STXBP4: variants seen among roughly 807,000 people sequenced by gnomAD.
STXBP4 encodes syntaxin-binding protein 4.
Under a neutral mutation model 76.1 loss-of-function variants are expected in STXBP4, and 55 were observed. The ratio of observed to expected loss-of-function variants is 0.72; its 90% CI spans 0.58 to 0.91. STXBP4 has a LOEUF of 0.91. Ranked by LOEUF, STXBP4 falls within the 40% of genes least tolerant of loss-of-function variation. The probability of loss-of-function intolerance (pLI) is 0.00; values close to 1 mark genes in which losing one functional copy is unlikely to be tolerated. For missense variants in STXBP4, 618 were observed against 636.9 expected (o/e 0.97, Z 0.32); for synonymous variants, 201 against 220.2 (o/e 0.91, Z 0.77).
chr17:55,130,848 G>A (rs114731599), intron 16 of STXBP4, among the ~76,000 whole-genome samples: 2,314 of 152,288 alleles, frequency 0.015, 55 homozygotes, highest in African/African-American at 0.051. Context: ...CCAAATGACA[G>A]AATCCTTTCC....
At chr17:55,065,614 A>G (rs1373815632) in intron 12 of STXBP4, among the ~76,000 whole-genome samples, 1 of 151,606 alleles carries the variant, frequency 6.6e-6, no homozygotes, top group African/African-American at 2.4e-5. Context: ...GAGAATTAGG[A>G]AAGTAGCTTT....
intron 16 of STXBP4, among the ~76,000 whole-genome samples, chr17:55,092,032 A>G (rs556687565): frequency 3.4e-4 from 52 of 152,206 alleles, no homozygotes; most frequent in Non-Finnish European, 6.6e-4. Context: ...GGATGTTACC[A>G]TTATTCTAAC....
intron 17 of STXBP4, among the ~76,000 whole-genome samples, chr17:55,146,741 G>C (rs1378104802): frequency 6.6e-6 from 1 of 151,294 alleles, no homozygotes; most frequent in Non-Finnish European, 1.5e-5. Flanking sequence ...AAAAAAAAGA[G>C]TGGCTTAGTG....
chr17:55,153,484 C>T (rs1300068692), intron 17 of STXBP4, among the ~76,000 whole-genome samples: 1 of 152,076 alleles, frequency 6.6e-6, no homozygotes, highest in East Asian at 1.9e-4. Flanking sequence ...AATATATATG[C>T]TTATATTTAA....
chr17:55,114,193 A>T (rs1377388686), intron 16 of STXBP4, among the ~76,000 whole-genome samples: 2 of 151,808 alleles, frequency 1.3e-5, no homozygotes, highest in African/African-American at 2.4e-5. Flanking sequence ...TGTCATTTTT[A>T]TTTATTTGCA....
At chr17:55,051,802 A>G (rs1300941582) in intron 12 of STXBP4, among the ~76,000 whole-genome samples, 1 of 152,118 alleles carries the variant, frequency 6.6e-6, no homozygotes. Flanking sequence ...ATGGGCTTGA[A>G]TTGGATGTAT....
rs2080383903 is a variant in STXBP4, at chr17:55,167,771, A to G, written c.*7860A>G. The G allele has an allele frequency of 6.6e-6, 1 of 152,216 alleles. No individual in the cohort carries two copies. Among genetic ancestry groups the G allele is most frequent in the Non-Finnish European group, 1.5e-5 (1 of 68,030 alleles). 9.4% of individuals were successfully genotyped at this position (152,216 alleles called of 1,614,324 possible). A position where few individuals can be genotyped will look rare whatever the true frequency, so the allele number is the denominator to read the frequency against. ...TTGCCACAGAACTCTGAAATTGCAG[A>G]AATTATCTCATCTATAAGTAACCCC... is the stretch of plus-strand genomic sequence containing the variant. On this transcript the variant is annotated 3_prime_UTR_variant, in exon 18 of 18. Coordinates refer to ENST00000376352, the MANE Select transcript of STXBP4 (RefSeq NM_178509.6).
At chr17:55,136,646 T>C (rs1384399506) in intron 16 of STXBP4, among the ~76,000 whole-genome samples, 1 of 152,136 alleles carries the variant, frequency 6.6e-6, no homozygotes, top group Admixed American at 6.6e-5. Context: ...GTATTTACAC[T>C]ATGAAACTGA....
intron 1 of STXBP4, among the ~76,000 whole-genome samples, chr17:54,982,755 G>T (rs1418878782): frequency 6.6e-6 from 1 of 151,976 alleles, no homozygotes; most frequent in Non-Finnish European, 1.5e-5. Flanking sequence ...TGATATTTAA[G>T]GACATGACAA....
At chr17:55,082,568 T>G (rs2079269304) in intron 16 of STXBP4, among the ~76,000 whole-genome samples, 1 of 152,146 alleles carries the variant, frequency 6.6e-6, no homozygotes, top group Non-Finnish European at 1.5e-5. Flanking sequence ...ACAGGACCGT[T>G]CAGTGTATCC....
chr17:55,159,758 A>G, intron 17 of STXBP4, 39 bp from the exon 18 acceptor site: 1 of 1,365,576 alleles, frequency 7.3e-7, no homozygotes, highest in Non-Finnish European at 1.0e-6. Flanking sequence ...GTAGAAGGAC[A>G]GTCTTTCAGA....
At chr17:55,201,817 C>T in the STXBP4 span, among the ~76,000 whole-genome samples, 18 of 152,188 alleles carry the variant, frequency 1.2e-4, no homozygotes, top group African/African-American at 4.3e-4. Context: ...GAGCAAGAAC[C>T]CAGCAAGGCT....
At chr17:54,987,631 T>C (rs956360482) in intron 3 of STXBP4, among the ~76,000 whole-genome samples, 2 of 152,224 alleles carry the variant, frequency 1.3e-5, no homozygotes, top group African/African-American at 4.8e-5. Flanking sequence ...ACAATACATT[T>C]GCAATTTCTG....
Position 55,073,079 on chromosome 17 carries a change from A to G in STXBP4, c.1188+3A>G. ...CTGATTATTCTGACCAAAATAAAGT[A>G]AGCAAAGCAGTCATCTCTTCCAGTT... On this transcript the variant is annotated splice_donor_region_variant and intron_variant, in intron 13 of 17. Transcript: ENST00000376352. 1 of 1,612,718 alleles carries G rather than the reference A, an allele frequency of 6.2e-7. No individual in the cohort carries two copies. Among genetic ancestry groups the G allele is most frequent in the South Asian group, 1.1e-5 (1 of 90,678 alleles).
intron 16 of STXBP4, among the ~76,000 whole-genome samples, chr17:55,111,895 GGTTT>G (rs75921976): frequency 0.43 from 64,332 of 149,608 alleles, 13,785 homozygotes; most frequent in Middle Eastern, 0.54. Context: ...TTTTATTCAG[GGTTT>G]GTTTGTTTGT....
intron 10 of STXBP4, among the ~76,000 whole-genome samples, chr17:55,039,486 T>C (rs940425669): frequency 6.6e-6 from 1 of 152,036 alleles, no homozygotes; most frequent in Admixed American, 6.6e-5. Flanking sequence ...AAAAGTGATA[T>C]TTTAGAAAGA....
chr17:55,091,988 GA>G (rs2079420705), intron 16 of STXBP4, among the ~76,000 whole-genome samples: 4 of 152,180 alleles, frequency 2.6e-5, no homozygotes. Context: ...AAGCATCTCA[GA>G]TAAGGGTACT....
chr17:55,092,113 G>A (rs1320996554), intron 16 of STXBP4, among the ~76,000 whole-genome samples: 1 of 152,116 alleles, frequency 6.6e-6, no homozygotes, highest in Non-Finnish European at 1.5e-5. Context: ...AAGATATGAG[G>A]ACGCAAAGAC....
intron 12 of STXBP4, among the ~76,000 whole-genome samples, chr17:55,068,752 G>A (rs1229815292): frequency 6.6e-6 from 1 of 152,022 alleles, no homozygotes; most frequent in East Asian, 1.9e-4. Context: ...TAATAAAATA[G>A]GTGTGATTTT....
Sources: gnomAD v4.1 joint callset for allele counts (sites outside exome capture counted in the v4.1 genomes callset) on GRCh38, gnomAD v4.1.1 for gene constraint, MANE v1.5 for transcripts, NCBI Gene and HGNC (gene_info 2026-07-23, HGNC 2026-07-21) for gene names.